The following PHF14 variants were observed in gnomAD, a reference collection of about 807,000 sequenced individuals.
PHF14 encodes the protein PHD finger protein 14.
A neutral mutation model predicts 117.9 loss-of-function variants in PHF14; 55 were observed. The ratio of observed to expected loss-of-function variants is 0.47; its 90% CI spans 0.38 to 0.58. The LOEUF (loss-of-function observed/expected upper bound fraction) is 0.58. Among genes scored for constraint, PHF14 ranks in the 20% least tolerant of loss-of-function variants. The probability of loss-of-function intolerance (pLI) is 0.00; values close to 1 mark genes in which losing one functional copy is unlikely to be tolerated. For missense variants in PHF14, 978 were observed against 1,122.2 expected (o/e 0.87, Z 1.84); for synonymous variants, 409 against 368.6 (o/e 1.11, Z -1.26).
At chr7:10,981,331 C>A (rs1023723590) in intron 2 of PHF14, among the ~76,000 whole-genome samples, 28 of 152,136 alleles carry the variant, frequency 1.8e-4, no homozygotes, top group African/African-American at 6.5e-4. Context: ...TGGTTTCTTC[C>A]CCATCTCCTA....
At chr7:11,049,149 G>A (rs1433531651) in intron 13 of PHF14, among the ~76,000 whole-genome samples, 1 of 152,164 alleles carries the variant, frequency 6.6e-6, no homozygotes, top group Admixed American at 6.5e-5. Context: ...ATGTTTGCCT[G>A]TTATTTAAGT....
chr7:11,096,973 C>CTTTTTTTTT (rs899756252), intron 16 of PHF14, among the ~76,000 whole-genome samples: 1 of 108,586 alleles, frequency 9.2e-6, no homozygotes, highest in Non-Finnish European at 1.8e-5. Flanking sequence ...TAGACTAGAA[C>CTTTTTTTTT]TTTTTTTTTT....
intron 17 of PHF14, among the ~76,000 whole-genome samples, chr7:11,116,075 T>G (rs890391402): frequency 3.9e-5 from 6 of 152,078 alleles, no homozygotes; most frequent in African/African-American, 1.2e-4. Context: ...TCATCAAACC[T>G]TCATTTTCTG....
chr7:11,146,370 A>T (rs991173929), intron 17 of PHF14, among the ~76,000 whole-genome samples: 3 of 152,126 alleles, frequency 2.0e-5, no homozygotes, highest in Non-Finnish European at 2.9e-5. Context: ...AGAGACTCTA[A>T]CCTTATCCTC....
intron 16 of PHF14, among the ~76,000 whole-genome samples, chr7:11,090,423 G>T (rs1460754581): frequency 1.3e-5 from 2 of 152,144 alleles, no homozygotes; most frequent in African/African-American, 2.4e-5. Flanking sequence ...ATAAGTGACT[G>T]AAATCTTCCA....
At chr7:11,002,208 C>A (rs955363848) in intron 4 of PHF14, among the ~76,000 whole-genome samples, 7 of 152,050 alleles carry the variant, frequency 4.6e-5, no homozygotes, top group Non-Finnish European at 1.0e-4. Context: ...CAAGATTCCT[C>A]ATGCAGGAGA....
intron 17 of PHF14, among the ~76,000 whole-genome samples, chr7:11,147,850 T>C (rs1255906651): frequency 6.6e-6 from 1 of 152,160 alleles, no homozygotes; most frequent in Non-Finnish European, 1.5e-5. Flanking sequence ...TCTAAATTCA[T>C]ATATTCAAAT....
chr7:10,979,598 G>C (rs1197815434), intron 2 of PHF14, among the ~76,000 whole-genome samples: 1 of 125,404 alleles, frequency 8.0e-6, no homozygotes, highest in Admixed American at 8.6e-5. Context: ...ATTCTTTGAT[G>C]ACTAGGAAAT....
intron 2 of PHF14, among the ~76,000 whole-genome samples, chr7:10,980,293 A>G (rs912617885): frequency 6.6e-6 from 1 of 152,092 alleles, no homozygotes; most frequent in African/African-American, 2.4e-5. Context: ...TTCATCTCCT[A>G]GCTCTCTTAA....
chr7:11,125,746 A>G (rs1252551663), intron 17 of PHF14, among the ~76,000 whole-genome samples: 1 of 151,988 alleles, frequency 6.6e-6, no homozygotes, highest in African/African-American at 2.4e-5. Flanking sequence ...CCTCTGGACT[A>G]TATTCATATG....
intron 16 of PHF14, chr7:11,105,958 G>T: frequency 1.0e-6 from 1 of 984,816 alleles, no homozygotes; most frequent in Non-Finnish European, 1.2e-6. Context: ...CATGGAGCTT[G>T]AGCTCAGCAG....
At position 11,141,429 on chromosome 7, in the gene PHF14, C is replaced by G. The variant is rs115655384; in HGVS notation, c.2773-27987C>G. Among the ~76,000 whole-genome samples, 1,218 of 152,144 alleles carry G rather than the reference C, an allele frequency of 8.0e-3. 10 individuals carry two copies. The highest frequency in any genetic ancestry group is 0.028 in the African/African-American group (1,161 of 41,534). ...TAGTATAGAATCTGGTGCTCATTTT[C>G]TGATTAAATCTCTTACAGTGCCTAC... On this transcript the variant is annotated intron_variant, in intron 17 of 17. Coordinates refer to ENST00000634607, the MANE Select transcript of PHF14 (RefSeq NM_001007157.2).
intron 4 of PHF14, chr7:11,006,683 C>T (rs220090): frequency 0.49 from 305,300 of 623,948 alleles, 80,758 homozygotes; most frequent in Middle Eastern, 0.61. Context: ...TGGGGGAGCT[C>T]TTCCGAGGAT....
intron 5 of PHF14, among the ~76,000 whole-genome samples, chr7:11,020,105 A>G (rs1296292538): frequency 6.6e-6 from 1 of 151,366 alleles, no homozygotes; most frequent in Non-Finnish European, 1.5e-5. Context: ...TTTTTTTCCA[A>G]TCAGACGGGG....
At chr7:11,128,689 T>C (rs569396568) in intron 17 of PHF14, among the ~76,000 whole-genome samples, 3 of 149,596 alleles carry the variant, frequency 2.0e-5, no homozygotes, top group African/African-American at 7.3e-5. Context: ...TGTAAATCAG[T>C]CTCTCTCTCT....
intron 17 of PHF14, among the ~76,000 whole-genome samples, chr7:11,164,701 A>T (rs1360887869): frequency 6.6e-6 from 1 of 152,236 alleles, no homozygotes; most frequent in Non-Finnish European, 1.5e-5. Context: ...GCCTTTATCC[A>T]GCTTCCTGTA....
intron 17 of PHF14, among the ~76,000 whole-genome samples, chr7:11,164,403 A>T (rs1035036821): frequency 6.6e-6 from 1 of 152,330 alleles, no homozygotes; most frequent in African/African-American, 2.4e-5. Flanking sequence ...TAAGAAAATA[A>T]AAATCAATAA....
chr7:11,105,604 G>A, intron 16 of PHF14: 1 of 984,718 alleles, frequency 1.0e-6, no homozygotes, highest in Non-Finnish European at 1.2e-6. Context: ...TACGAAGGCA[G>A]AATCATTTTT....
rs368456290 is a variant in PHF14, at chr7:10,976,209, C to T, written c.112+1264C>T. ...TATTTGGTTACTAATTGAATTCATCCGCAGCAATCAAAAATTGATAAGTTT... is the reference window on the plus strand; with the variant it reads ...TATTTGGTTACTAATTGAATTCATCTGCAGCAATCAAAAATTGATAAGTTT... On this transcript the variant is annotated intron_variant, in intron 2 of 17. Transcript: ENST00000634607. Among the ~76,000 whole-genome samples, 9 of 152,224 alleles carry T rather than the reference C, an allele frequency of 5.9e-5. No individual in the cohort carries two copies. In the East Asian group the frequency reaches 1.2e-3, roughly 20 times the overall value.
Sources: gnomAD v4.1 joint callset for allele counts (sites outside exome capture counted in the v4.1 genomes callset) on GRCh38, gnomAD v4.1.1 for gene constraint, MANE v1.5 for transcripts, NCBI Gene and HGNC (gene_info 2026-07-23, HGNC 2026-07-21) for gene names.